JMJD1C: variants seen among roughly 807,000 people sequenced by gnomAD.
JMJD1C encodes jumonji domain-containing protein 1C.
In JMJD1C, 31 loss-of-function variants were observed where a neutral mutation model predicts 245.3. The observed-to-expected ratio is 0.13, with a 90% CI of 0.09 to 0.17. The LOEUF (loss-of-function observed/expected upper bound fraction) is 0.17, where lower values mean the gene tolerates loss of function less well. Ranked by LOEUF, JMJD1C falls within the 10% of genes least tolerant of loss-of-function variation. The pLI, the probability that JMJD1C is intolerant of heterozygous loss-of-function variation, is 1.00. For missense variants in JMJD1C, 2,691 were observed against 3,000.2 expected, an observed-to-expected ratio of 0.90 and a Z score of 2.41; for synonymous variants, 1,057 against 1,017.4, an observed-to-expected ratio of 1.04 and a Z score of -0.74.
chr10:63,334,664 C>T (rs1446859325), intron 2 of JMJD1C, among the ~76,000 whole-genome samples: 4 of 151,516 alleles, frequency 2.6e-5, no homozygotes, highest in Admixed American at 1.3e-4. Flanking sequence ...GAGGTTGCAG[C>T]GAGCTGAGAT....
intron 1 of JMJD1C, among the ~76,000 whole-genome samples, chr10:63,426,455 G>A (rs1227556057): frequency 6.6e-6 from 1 of 152,120 alleles, no homozygotes; most frequent in Non-Finnish European, 1.5e-5. Flanking sequence ...GGTGGATCAC[G>A]ATGTCAGGAG....
intron 3 of JMJD1C, among the ~76,000 whole-genome samples, chr10:63,240,294 C>T (rs1331262840): frequency 1.3e-5 from 2 of 151,858 alleles, no homozygotes; most frequent in South Asian, 2.1e-4. Context: ...AAAAAAATCA[C>T]ATAAACACTA....
At chr10:63,231,145 G>T (rs1849936182) in intron 3 of JMJD1C, among the ~76,000 whole-genome samples, 1 of 152,054 alleles carries the variant, frequency 6.6e-6, no homozygotes, top group South Asian at 2.1e-4. Flanking sequence ...CCCCCCTCAA[G>T]AAAAAACCTT....
chr10:63,318,343 T>C (rs980540396), intron 2 of JMJD1C, among the ~76,000 whole-genome samples: 13 of 152,196 alleles, frequency 8.5e-5, no homozygotes, highest in African/African-American at 2.7e-4. Context: ...TCTTTTCTTT[T>C]CCCATGTCTA....
At chr10:63,198,194 C>G (rs933155151) in intron 12 of JMJD1C, among the ~76,000 whole-genome samples, 3 of 152,160 alleles carry the variant, frequency 2.0e-5, no homozygotes, top group African/African-American at 7.2e-5. Flanking sequence ...GATTCCAATA[C>G]AAATAATTGG....
At chr10:63,451,000 G>C (rs1952032681) in intron 1 of JMJD1C, among the ~76,000 whole-genome samples, 1 of 150,004 alleles carries the variant, frequency 6.7e-6, no homozygotes, top group Non-Finnish European at 1.5e-5. Flanking sequence ...TAAATCAGTT[G>C]TGTTTCTATA....
At position 63,332,087 on chromosome 10, in the gene JMJD1C, C is replaced by T. The variant is rs796094441; in HGVS notation, c.333+48231G>A. ...GCTTTCCACAAAAGACAATAGCCAA[C>T]ATTTTTCTAATATTATACCATTTAC... On this transcript the variant is annotated intron_variant, in intron 2 of 25. Coordinates refer to ENST00000399262, the MANE Select transcript of JMJD1C (RefSeq NM_032776.3). Among the ~76,000 whole-genome samples, 25 of 152,254 alleles carry T rather than the reference C, an allele frequency of 1.6e-4. 1 individual carries two copies. The highest frequency in any genetic ancestry group is 4.6e-4 in the Admixed American group (7 of 15,288).
chr10:63,394,760 C>T (rs1369770153), intron 1 of JMJD1C, among the ~76,000 whole-genome samples: 1 of 151,462 alleles, frequency 6.6e-6, no homozygotes, highest in African/African-American at 2.4e-5. Context: ...AGGAGAATCG[C>T]TTGAACCTGG....
At chr10:63,383,453 C>G (rs1564858806) in intron 1 of JMJD1C, among the ~76,000 whole-genome samples, 1 of 152,146 alleles carries the variant, frequency 6.6e-6, no homozygotes, top group Non-Finnish European at 1.5e-5. Context: ...AATCCCACCA[C>G]TTTGGGAGAC....
intron 3 of JMJD1C, 35 bp from the exon 4 acceptor site, chr10:63,220,018 C>A: frequency 6.8e-7 from 1 of 1,460,088 alleles, no homozygotes; most frequent in Non-Finnish European, 9.6e-7. Context: ...GTCCATGTTA[C>A]GCTCTCCTAC....
At chr10:63,244,083 T>C (rs1039172226) in intron 3 of JMJD1C, among the ~76,000 whole-genome samples, 2 of 152,134 alleles carry the variant, frequency 1.3e-5, no homozygotes, top group East Asian at 3.8e-4. Context: ...GAAATATCCC[T>C]GAGGACAGCC....
At chr10:63,341,564 G>T (rs1295096642) in intron 2 of JMJD1C, among the ~76,000 whole-genome samples, 2 of 152,188 alleles carry the variant, frequency 1.3e-5, no homozygotes, top group African/African-American at 4.8e-5. Context: ...CTAATGAAAA[G>T]GAATGGGACA....
chr10:63,183,000 T>TA (rs2132879108), intron 22 of JMJD1C, among the ~76,000 whole-genome samples: 1 of 152,300 alleles, frequency 6.6e-6, no homozygotes, highest in African/African-American at 2.4e-5. Context: ...CAGCTGAGAT[T>TA]ACAGGCATGC....
intron 5 of JMJD1C, among the ~76,000 whole-genome samples, chr10:63,216,384 T>A (rs918129421): frequency 1.3e-4 from 20 of 151,420 alleles, no homozygotes; most frequent in African/African-American, 3.4e-4. Context: ...AAAAAAAAAA[T>A]TTGAAATCTC....
chr10:63,353,626 C>T (rs1043732601), intron 2 of JMJD1C, among the ~76,000 whole-genome samples: 8 of 151,846 alleles, frequency 5.3e-5, no homozygotes, highest in Admixed American at 5.3e-4. Flanking sequence ...AGTGATTCTC[C>T]TGCCTCAGCC....
At chr10:63,310,089 TAATC>T (rs1164852012) in intron 2 of JMJD1C, among the ~76,000 whole-genome samples, 1 of 152,142 alleles carries the variant, frequency 6.6e-6, no homozygotes, top group Non-Finnish European at 1.5e-5. Context: ...TCACAGGAAT[TAATC>T]AACAAAAAAT....
chr10:63,226,224 T>G (rs558700563), intron 3 of JMJD1C, among the ~76,000 whole-genome samples: 1 of 152,140 alleles, frequency 6.6e-6, no homozygotes, highest in South Asian at 2.1e-4. Flanking sequence ...CAAATACTCA[T>G]CAAAGAGAGG....
At chr10:63,314,209 T>C (rs1250338722) in intron 2 of JMJD1C, among the ~76,000 whole-genome samples, 1 of 152,230 alleles carries the variant, frequency 6.6e-6, no homozygotes, top group Non-Finnish European at 1.5e-5. Context: ...TTGTTTGTTT[T>C]GTTGAGGATC....
At chr10:63,234,506 A>AAAAAAAAC (rs1564654788) in intron 3 of JMJD1C, among the ~76,000 whole-genome samples, 5 of 148,630 alleles carry the variant, frequency 3.4e-5, no homozygotes, top group African/African-American at 1.3e-4. Flanking sequence ...AAAAAAAAAA[A>AAAAAAAAC]AAAAAAAAAA....
Sources: gnomAD v4.1 joint callset for allele counts (sites outside exome capture counted in the v4.1 genomes callset) on GRCh38, gnomAD v4.1.1 for gene constraint, MANE v1.5 for transcripts, NCBI Gene and HGNC (gene_info 2026-07-23, HGNC 2026-07-21) for gene names.